ZNF534: variants seen among roughly 807,000 people sequenced by gnomAD.
ZNF534 encodes zinc finger protein 534.
ZNF534 carries 19 observed loss-of-function variants against 13.6 expected under a neutral mutation model. The observed-to-expected ratio is 1.40, with a 90% CI of 0.97 to 2.05. The LOEUF (loss-of-function observed/expected upper bound fraction) is 2.05. Ranked by LOEUF, ZNF534 falls within the 30% of genes most tolerant of loss-of-function variation. The pLI is 0.00. For missense variants in ZNF534, 782 were observed against 796.3 expected, an observed-to-expected ratio of 0.98 and a Z score of 0.22; for synonymous variants, 244 against 273.8, an observed-to-expected ratio of 0.89 and a Z score of 1.07.
rs1393910267 is a variant in ZNF534, at chr19:52,435,193, C to T, written c.255C>T (p.Ile85=). ...IINNPDGREC[I]KGVNTEKSSK... ...ACAATCCAGATGGCAGGGAGTGCAT[C>T]AAAGGTGTGAACACAGGTGAGAGCT... The change falls in exon 4 of 5, where the codon ATC becomes ATT. Residue 85 remains isoleucine, a synonymous_variant. Coordinates refer to ENST00000433050, the MANE Select transcript of ZNF534 (RefSeq NM_001143938.3). 1 of 1,611,938 alleles carries T rather than the reference C, an allele frequency of 6.2e-7. No individual in the cohort carries two copies. The highest frequency in any genetic ancestry group is 1.1e-5 in the South Asian group (1 of 90,692).
chr19:52,434,053 A>G lies in ZNF534; in HGVS notation c.114A>G (p.Leu38=), dbSNP rs1178064752. The G allele has an allele frequency of 1.2e-6, 2 of 1,614,212 alleles. No individual in the cohort carries two copies. The change falls in exon 3 of 5, where the codon TTA becomes TTG. Residue 38 remains leucine, a synonymous_variant. Coordinates refer to ENST00000433050, the MANE Select transcript of ZNF534 (RefSeq NM_001143938.3). ...GQKALYRDVM[L]ENYRNLVSLG... ...AAGCTTTATACAGGGACGTGATGTT[A>G]GAGAACTACAGGAACCTGGTCTCCC...
Position 52,439,383 on chromosome 19 carries a change from G to A in ZNF534, c.1923G>A (p.Lys641=), listed in dbSNP as rs754175271. ...CTTACAGTTGTAATGAATGTGGCAA[G>A]GTCTTTAGTAAAAATTCCATCCTAG... is the stretch of plus-strand genomic sequence containing the variant. ...VKPYSCNECG[K]VFSKNSILVQ... is the part of the protein sequence containing the mutation. The change falls in exon 5 of 5, where the codon AAG becomes AAA. Residue 641 remains lysine, a synonymous_variant. Transcript: ENST00000433050. The A allele has an allele frequency of 1.3e-6, 2 of 1,550,980 alleles. No individual in the cohort carries two copies. Among genetic ancestry groups the A allele is most frequent in the Middle Eastern group, 1.7e-4 (1 of 6,010 alleles).
At chr19:52,445,196 AATTT>A (rs759379348), downstream of ZNF534, among the ~76,000 whole-genome samples, 13 of 40,486 alleles carry the variant, frequency 3.2e-4, no homozygotes, top group African/African-American at 8.0e-4. Flanking sequence ...TCACTCAGCT[AATTT>A]TTTTTTTTTT....
chr19:52,436,560 C>T (rs2608491), intron 4 of ZNF534, among the ~76,000 whole-genome samples: 142,506 of 152,260 alleles, frequency 0.94, 66,930 homozygotes, highest in Non-Finnish European at 0.96. Flanking sequence ...TTCATATGAA[C>T]CTCCAATAGT....
chr19:52,447,240 C>T (rs1382273103), downstream of ZNF534, among the ~76,000 whole-genome samples: 2 of 152,128 alleles, frequency 1.3e-5, no homozygotes, highest in Non-Finnish European at 2.9e-5. Context: ...ATAAAGTAAC[C>T]CAGATCATGT....
Position 52,437,795 on chromosome 19 carries a change from C to T in ZNF534, c.335C>T (p.Thr112Ile). Residue 112 changes from threonine (T) to isoleucine (I), a missense_variant, in exon 5 of 5, where the codon ACT becomes ATT. Thr to Ile is a moderately conservative substitution (Grantham distance 89). Transcript: ENST00000433050. ...NKSLKNQHGLTLQLHLTEWQP... is the reference protein window; with the variant it reads ...NKSLKNQHGLILQLHLTEWQP... Reference sequence around the variant, plus strand: ...TCACTTAAAAATCAACATGGATTAACTCTTCAGTTACATCTGACTGAATGG... The same window carrying T: ...TCACTTAAAAATCAACATGGATTAATTCTTCAGTTACATCTGACTGAATGG... 1.2e-6 allele frequency: 2 copies of T among 1,610,438 alleles called. 1 individual carries two copies. Among genetic ancestry groups the T allele is most frequent in the Middle Eastern group, 3.3e-4 (2 of 6,050 alleles).
chr19:52,432,299 C>G (rs765867296), intron 2 of ZNF534, among the ~76,000 whole-genome samples: 1 of 152,050 alleles, frequency 6.6e-6, no homozygotes, highest in Admixed American at 6.6e-5. Context: ...TTTAAATTTA[C>G]TGAATTAGGT....
At chr19:52,443,195 ATGT>A (rs1343865352), downstream of ZNF534, among the ~76,000 whole-genome samples, 7 of 152,138 alleles carry the variant, frequency 4.6e-5, no homozygotes, top group Admixed American at 2.0e-4. Context: ...CAGAATGGGA[ATGT>A]TGTTAATTTT....
In ZNF534 at chr19:52,438,547, T is replaced by G; in HGVS notation, c.1087T>G (p.Phe363Val). Reference sequence around the variant, plus strand: ...CAAATGTAATGAATGTGGCAAGGGGTTTAGTCGAATTGCATTCCTTGCAAG... The same window carrying G: ...CAAATGTAATGAATGTGGCAAGGGGGTTAGTCGAATTGCATTCCTTGCAAG... ...PYKCNECGKG[F>V]SRIAFLARHR... The change falls in exon 5 of 5, where the codon TTT becomes GTT. Residue 363 changes from phenylalanine (F) to valine (V), a missense_variant. Coordinates refer to ENST00000433050, the MANE Select transcript of ZNF534 (RefSeq NM_001143938.3). 6.3e-7 allele frequency: 1 copy of G among 1,580,132 alleles called. No homozygotes were observed. The highest frequency in any genetic ancestry group is 8.6e-7 in the Non-Finnish European group (1 of 1,162,208).
At position 52,434,744 on chromosome 19, in the gene ZNF534, AAG is replaced by A. The variant is rs991797318; in HGVS notation, c.143-335_143-334del. ...AGACTCTGTCTCAAAAAAAAAAAAA[AAG>A]AAAGAAATGTCCCCTTTCTTCAGAT... On this transcript the variant is annotated intron_variant, in intron 3 of 4. Coordinates refer to ENST00000433050, the MANE Select transcript of ZNF534 (RefSeq NM_001143938.3). 2.3e-4 allele frequency among the ~76,000 whole-genome samples: 34 copies of A among 149,790 alleles called. 3 individuals carry two copies. The highest frequency in any genetic ancestry group is 9.8e-4 in the East Asian group (5 of 5,128).
downstream of ZNF534, among the ~76,000 whole-genome samples, chr19:52,445,196 A>AT (rs1568448900): frequency 1.8e-3 from 72 of 40,488 alleles, no homozygotes; most frequent in African/African-American, 4.7e-3. Context: ...TCACTCAGCT[A>AT]ATTTTTTTTT....
Position 52,438,068 on chromosome 19 carries a change from A to T in ZNF534, c.608A>T (p.Asn203Ile), listed in dbSNP as rs761357956. 6.2e-7 allele frequency: 1 copy of T among 1,614,176 alleles called. No individual in the cohort carries two copies. The highest frequency in any genetic ancestry group is 1.1e-5 in the South Asian group (1 of 91,086). ...KVFRVSSSLT[N>I]RQVIHIADKT... ...TTCAGAGTGTCTTCAAGCCTTACTA[A>T]CCGTCAAGTAATCCACATTGCAGAT... Residue 203 changes from asparagine (N) to isoleucine (I), a missense_variant, in exon 5 of 5, where the codon AAC (asparagine) becomes ATC (isoleucine). Physicochemically the swap from Asn to Ile is moderately radical, Grantham distance 149. This residue lies in a region of ZNF534 where 591 missense variants were observed against 574.0 expected (regional missense o/e 1.03). Transcript: ENST00000433050.
chr19:52,435,140 A>T lies in ZNF534; in HGVS notation c.202A>T (p.Thr68Ser). Residue 68 changes from threonine (T) to serine (S), a missense_variant, in exon 4 of 5, where the codon ACT becomes TCT. Thr to Ser is a moderately conservative substitution (Grantham distance 58). This residue lies in a region of ZNF534 where 30 missense variants were observed against 55.4 expected (regional missense o/e 0.54). Coordinates refer to ENST00000433050, the MANE Select transcript of ZNF534 (RefSeq NM_001143938.3). ...GTTGGAGCAAAAGAGAGATCCCTGG[A>T]CTCTGCAGAGTGAAGTGAAAATAAT... is the stretch of plus-strand genomic sequence containing the variant. ...SMLEQKRDPW[T>S]LQSEVKIINN... The T allele has an allele frequency of 1.2e-6, 2 of 1,613,176 alleles. No homozygotes were observed. The highest frequency in any genetic ancestry group is 4.5e-5 in the East Asian group (2 of 44,860).
exon 5 of ZNF534, chr19:52,451,248 A>G (rs755878054): frequency 2.6e-6 from 2 of 760,618 alleles, no homozygotes; most frequent in South Asian, 3.0e-5. Context: ...GCGCGTCCGG[A>G]GGTGCTGAGG....
rs374288584 is a variant in ZNF534, at chr19:52,435,078, T to C, written c.143-3T>C. The C allele has an allele frequency of 5.3e-5, 86 of 1,610,928 alleles. No homozygotes were observed. In the African/African-American group the frequency reaches 8.8e-4, roughly 17 times the overall value. ...CACATTTATTCTTTCTTTTTGTAAG[T>C]AGGAATCTGTCTTCCTGACCTGAGT... On this transcript the variant is annotated splice_region_variant and splice_polypyrimidine_tract_variant and intron_variant, in intron 3 of 4. Transcript: ENST00000433050.
intron 2 of ZNF534, 89 bp downstream of exon 2, chr19:52,431,578 T>C (rs1486225381): frequency 6.4e-7 from 1 of 1,554,230 alleles, no homozygotes; most frequent in Non-Finnish European, 8.9e-7. Context: ...CTCTGAAGCA[T>C]CCTGCCTGAC....
At chr19:52,446,072 G>C (rs540329894), downstream of ZNF534, among the ~76,000 whole-genome samples, 1 of 152,268 alleles carries the variant, frequency 6.6e-6, no homozygotes, top group African/African-American at 2.4e-5. Flanking sequence ...TTCAATGGAG[G>C]TACCAAGTTG....
chr19:52,443,893 A>T (rs545185723), downstream of ZNF534, among the ~76,000 whole-genome samples: 2 of 152,014 alleles, frequency 1.3e-5, no homozygotes, highest in Admixed American at 1.3e-4. Context: ...TTTTTTATTT[A>T]TGCTATTTAT....
chr19:52,447,882 CT>C (rs71180464), intron 4 of ZNF534, among the ~76,000 whole-genome samples: 132,255 of 146,168 alleles, frequency 0.9, 60,169 homozygotes, highest in Non-Finnish European at 0.96. Flanking sequence ...AGTTTTTAGA[CT>C]TTTTTTTTTT....
Sources: allele counts gnomAD v4.1 joint callset (sites outside exome capture counted in the v4.1 genomes callset), GRCh38; gene constraint gnomAD v4.1.1; regional missense constraint gnomAD v4.1.1; transcripts MANE v1.5; gene names NCBI Gene and HGNC (gene_info 2026-07-23, HGNC 2026-07-21).